Variants in CDH18 observed in about 807,000 individuals in gnomAD.
CDH18 encodes the protein cadherin-18.
A neutral mutation model predicts 67.9 loss-of-function variants in CDH18; 31 were observed. The ratio of observed to expected loss-of-function variants is 0.46; its 90% CI spans 0.34 to 0.62. The LOEUF is 0.62. Ranked by LOEUF, CDH18 falls within the 20% of genes least tolerant of loss-of-function variation. CDH18 has a pLI of 0.01. For synonymous variants in CDH18, 362 were observed against 347.2 expected (o/e 1.04, Z -0.48); for missense variants, 890 against 975.5 (o/e 0.91, Z 1.17).
chr5:19,480,329 A>G (rs2126561459), intron 12 of CDH18, among the ~76,000 whole-genome samples: 1 of 151,254 alleles, frequency 6.6e-6, no homozygotes, highest in South Asian at 2.1e-4. Context: ...AGCAGTTCTG[A>G]CCAATAAATA....
chr5:19,888,838 G>T (rs916255955), intron 2 of CDH18, among the ~76,000 whole-genome samples: 1 of 152,040 alleles, frequency 6.6e-6, no homozygotes, highest in African/African-American at 2.4e-5. Context: ...ATTTCCAGAA[G>T]AATGTTTTAA....
At chr5:20,206,562 TAC>T (rs1739907292) in intron 2 of CDH18, among the ~76,000 whole-genome samples, 1 of 151,938 alleles carries the variant, frequency 6.6e-6, no homozygotes, top group Non-Finnish European at 1.5e-5. Context: ...TACTGGTGAA[TAC>T]ATATGTCAAA....
intron 1 of CDH18, among the ~76,000 whole-genome samples, chr5:20,361,343 G>A (rs1023774325): frequency 1.3e-5 from 2 of 151,898 alleles, no homozygotes; most frequent in Non-Finnish European, 2.9e-5. Flanking sequence ...TGATTTAAGC[G>A]AGAGAAGTCA....
At chr5:19,532,437 G>A (rs1467297966) in intron 9 of CDH18, among the ~76,000 whole-genome samples, 1 of 152,064 alleles carries the variant, frequency 6.6e-6, no homozygotes, top group Non-Finnish European at 1.5e-5. Flanking sequence ...CCAGAACTAA[G>A]GTGAAAACAG....
At chr5:20,542,743 C>T (rs931759012) in intron 1 of CDH18, among the ~76,000 whole-genome samples, 1 of 151,934 alleles carries the variant, frequency 6.6e-6, no homozygotes, top group African/African-American at 2.4e-5. Flanking sequence ...ATGACACCTC[C>T]AATATTATAT....
chr5:19,957,944 T>C (rs574907618), intron 2 of CDH18, among the ~76,000 whole-genome samples: 2 of 152,168 alleles, frequency 1.3e-5, no homozygotes, highest in East Asian at 3.9e-4. Context: ...AAACATCACA[T>C]TGATGAGTGC....
chr5:20,304,807 G>A, intron 1 of CDH18: 1 of 1,611,038 alleles, frequency 6.2e-7, no homozygotes, highest in Non-Finnish European at 8.5e-7. Context: ...TTCAGCCGCA[G>A]CTTTGTTAGA....
At chr5:20,349,049 C>T (rs951483843) in intron 1 of CDH18, among the ~76,000 whole-genome samples, 3 of 152,082 alleles carry the variant, frequency 2.0e-5, no homozygotes, top group Admixed American at 6.6e-5. Context: ...ATCAAAGTCA[C>T]CTATTATGCA....
chr5:19,725,641 T>C (rs562037952), intron 4 of CDH18, among the ~76,000 whole-genome samples: 4 of 152,016 alleles, frequency 2.6e-5, no homozygotes, highest in Admixed American at 6.6e-5. Flanking sequence ...TGGTGGTGCA[T>C]GCCTGTAATC....
At chr5:19,481,472 G>A (rs1739412817) in intron 12 of CDH18, among the ~76,000 whole-genome samples, 1 of 152,098 alleles carries the variant, frequency 6.6e-6, no homozygotes, top group South Asian at 2.1e-4. Flanking sequence ...GGAGACAAGG[G>A]CAGACTTTTC....
At chr5:20,498,244 C>A (rs961886251) in intron 1 of CDH18, among the ~76,000 whole-genome samples, 1 of 151,950 alleles carries the variant, frequency 6.6e-6, no homozygotes, top group Admixed American at 6.6e-5. Context: ...AATTTTTGTA[C>A]CAGCAGTAGT....
chr5:19,531,177 A>G (rs1748560865), intron 9 of CDH18, among the ~76,000 whole-genome samples: 1 of 152,216 alleles, frequency 6.6e-6, no homozygotes, highest in Non-Finnish European at 1.5e-5. Flanking sequence ...GAAAATGAAA[A>G]GATAAGACAC....
chr5:20,175,834 C>G (rs1737188817), intron 2 of CDH18, among the ~76,000 whole-genome samples: 1 of 152,076 alleles, frequency 6.6e-6, no homozygotes, highest in Non-Finnish European at 1.5e-5. Context: ...AAGGGTGGGT[C>G]TGCCTTTCCC....
At chr5:20,389,354 T>G (rs1428520043) in intron 1 of CDH18, among the ~76,000 whole-genome samples, 2 of 152,146 alleles carry the variant, frequency 1.3e-5, no homozygotes, top group African/African-American at 2.4e-5. Context: ...AGTCTGTTTT[T>G]TCAGAGACTA....
intron 1 of CDH18, among the ~76,000 whole-genome samples, chr5:20,260,405 G>A (rs950590117): frequency 1.3e-5 from 2 of 151,888 alleles, no homozygotes; most frequent in Admixed American, 6.6e-5. Context: ...TCTACTTACG[G>A]AATTACACTG....
chr5:19,540,159 G>C (rs1159443124), intron 9 of CDH18, among the ~76,000 whole-genome samples: 1 of 152,012 alleles, frequency 6.6e-6, no homozygotes, highest in Non-Finnish European at 1.5e-5. Flanking sequence ...GAAACAAAGG[G>C]GCTACAGGTC....
At chr5:20,205,439 C>T (rs199849262) in intron 2 of CDH18, among the ~76,000 whole-genome samples, 1 of 151,878 alleles carries the variant, frequency 6.6e-6, no homozygotes, top group East Asian at 1.9e-4. Flanking sequence ...TAGTAAGGGA[C>T]TTCAACACCC....
At position 20,397,648 on chromosome 5, in the gene CDH18, A is replaced by C. The variant is rs966854494; in HGVS notation, c.-579-142143T>G. On this transcript the variant is annotated intron_variant, in intron 1 of 14. Transcript: ENST00000507958. ...GCTGTCAGACAGAAAGATAATACAA[A>C]GCCACATTTGTAACGTTATATTTTC... 2.0e-5 allele frequency among the ~76,000 whole-genome samples: 3 copies of C among 152,284 alleles called. No homozygotes were observed. The South Asian group carries it at 6.2e-4, about 32-fold the overall frequency.
intron 11 of CDH18, among the ~76,000 whole-genome samples, chr5:19,500,171 C>A (rs928283763): frequency 2.0e-5 from 3 of 151,588 alleles, no homozygotes; most frequent in African/African-American, 4.8e-5. Flanking sequence ...CATTTTCTGA[C>A]CCTTATTCCA....
Sources: allele counts gnomAD v4.1 joint callset (sites outside exome capture counted in the v4.1 genomes callset), GRCh38; gene constraint gnomAD v4.1.1; transcripts MANE v1.5; gene names NCBI Gene and HGNC (gene_info 2026-07-23, HGNC 2026-07-21).